Variants in NOL9 observed in about 807,000 individuals in gnomAD.
The protein encoded by NOL9 is polynucleotide 5'-hydroxyl-kinase NOL9.
Under a neutral mutation model 67.9 loss-of-function variants are expected in NOL9, and 28 were observed. That is an observed-to-expected ratio of 0.41 (90% CI 0.31 to 0.57). NOL9 has a LOEUF of 0.57. Ranked by LOEUF, NOL9 falls within the 20% of genes least tolerant of loss-of-function variation. NOL9 has a pLI of 0.25. For synonymous variants in NOL9, 356 were observed against 352.2 expected (o/e 1.01, Z -0.12); for missense variants, 777 against 897.0 (o/e 0.87, Z 1.71).
rs386366136 is a variant in NOL9, at chr1:6,522,883, C to CAAAAAAAAAAA, written c.*2960_*2970dup. On this transcript the variant is annotated 3_prime_UTR_variant, in exon 12 of 12. Coordinates refer to ENST00000377705, the MANE Select transcript of NOL9 (RefSeq NM_024654.5). ...TGGGCGACAGAGCTAGACTCTGTCT[C>CAAAAAAAAAAA]AAAAAAAAAAAAAAAAAAGAAATTG... The CAAAAAAAAAAA allele has an allele frequency of 1.2e-5, 1 of 82,552 alleles. No homozygotes were observed. Among genetic ancestry groups the CAAAAAAAAAAA allele is most frequent in the Non-Finnish European group, 2.1e-5 (1 of 47,992 alleles). 5.1% of individuals were successfully genotyped at this position (82,552 alleles called of 1,614,324 possible).
chr1:6,530,129 A>C (rs1638988616), intron 9 of NOL9, among the ~76,000 whole-genome samples: 1 of 152,084 alleles, frequency 6.6e-6, no homozygotes, highest in South Asian at 2.1e-4. Context: ...CTGTCTCCAA[A>C]AAAAAAGAAA....
At chr1:6,539,327 A>G (rs567588625) in intron 6 of NOL9, among the ~76,000 whole-genome samples, 1 of 152,226 alleles carries the variant, frequency 6.6e-6, no homozygotes, top group Non-Finnish European at 1.5e-5. Flanking sequence ...TGAAAGCAGG[A>G]TATGGAGGAG....
chr1:6,543,734 G>T (rs1326281583), intron 5 of NOL9, among the ~76,000 whole-genome samples: 4 of 152,192 alleles, frequency 2.6e-5, no homozygotes, highest in African/African-American at 9.6e-5. Flanking sequence ...CCAGCACTTT[G>T]TGAGGCCAAG....
intron 6 of NOL9, among the ~76,000 whole-genome samples, chr1:6,541,565 T>A (rs1443631829): frequency 6.6e-6 from 1 of 152,224 alleles, no homozygotes; most frequent in Non-Finnish European, 1.5e-5. Flanking sequence ...CATGTGTTTC[T>A]AATTTACATA....
rs897525418 is a variant in NOL9, at chr1:6,524,895, A to G, written c.*959T>C. 1 of 151,622 alleles carries G rather than the reference A, an allele frequency of 6.6e-6. No homozygotes were observed. The highest frequency in any genetic ancestry group is 1.5e-5 in the Non-Finnish European group (1 of 68,000). 9.4% of individuals were successfully genotyped at this position (151,622 alleles called of 1,614,324 possible). A position where few individuals can be genotyped will look rare whatever the true frequency, so the allele number is the denominator to read the frequency against. On this transcript the variant is annotated 3_prime_UTR_variant, in exon 12 of 12. Coordinates refer to ENST00000377705, the MANE Select transcript of NOL9 (RefSeq NM_024654.5). ...GCTGGGACTATAGGCGCCCACCACC[A>G]CGCCCAGCTAGTTTTTTGTATTTTT...
Position 6,529,329 on chromosome 1 carries a change from G to A in NOL9, c.1648-158C>T, listed in dbSNP as rs145122407. Reference sequence around the variant, plus strand: ...AAAACAGCCAGGCACAGTGGCTCACGCATGTAATCCCAGCACTTTGGGAGG... The same window carrying A: ...AAAACAGCCAGGCACAGTGGCTCACACATGTAATCCCAGCACTTTGGGAGG... On this transcript the variant is annotated intron_variant, in intron 9 of 11. Coordinates refer to ENST00000377705, the MANE Select transcript of NOL9 (RefSeq NM_024654.5). 2.0e-3 allele frequency among the ~76,000 whole-genome samples: 308 copies of A among 152,256 alleles called. 3 individuals carry two copies. The highest frequency in any genetic ancestry group is 0.013 in the East Asian group (69 of 5,180).
chr1:6,534,801 CTT>C (rs983089600), intron 6 of NOL9, among the ~76,000 whole-genome samples: 2 of 151,946 alleles, frequency 1.3e-5, no homozygotes, highest in African/African-American at 4.8e-5. Context: ...CTCTTTCTCT[CTT>C]TTTTCTTTTT....
chr1:6,526,048 G>C, intron 11 of NOL9, 45 bp from the exon 12 acceptor site: 1 of 1,575,504 alleles, frequency 6.3e-7, no homozygotes, highest in Non-Finnish European at 8.7e-7. Context: ...TCCAGGTCCA[G>C]CCCAGAGGGG....
chr1:6,534,099 C>T (rs1299261106), intron 6 of NOL9, among the ~76,000 whole-genome samples: 1 of 152,016 alleles, frequency 6.6e-6, no homozygotes, highest in Non-Finnish European at 1.5e-5. Context: ...GTTGGTCAGG[C>T]TGGTCTTGAA....
Position 6,524,426 on chromosome 1 carries a change from T to A in NOL9, c.*1428A>T, listed in dbSNP as rs1638835499. 6.6e-6 allele frequency: 1 copy of A among 152,106 alleles called. No individual in the cohort carries two copies. Among genetic ancestry groups the A allele is most frequent in the Non-Finnish European group, 1.5e-5 (1 of 68,018 alleles). 9.4% of individuals were successfully genotyped at this position (152,106 alleles called of 1,614,324 possible). A position where few individuals can be genotyped will look rare whatever the true frequency, so the allele number is the denominator to read the frequency against. On this transcript the variant is annotated 3_prime_UTR_variant, in exon 12 of 12. Transcript: ENST00000377705. Reference sequence around the variant, plus strand: ...TGATGTGACCTGGTCCCATCACCCGTTTACACAAACCACTTCCAACCTAGA... The same window carrying A: ...TGATGTGACCTGGTCCCATCACCCGATTACACAAACCACTTCCAACCTAGA...
intron 10 of NOL9, among the ~76,000 whole-genome samples, chr1:6,527,726 G>A (rs1638922441): frequency 6.6e-6 from 1 of 151,944 alleles, no homozygotes; most frequent in Non-Finnish European, 1.5e-5. Context: ...GAGGTCAGGA[G>A]TTCAAGACCA....
At chr1:6,532,393 G>T in intron 8 of NOL9, 70 bp downstream of exon 8, 1 of 1,436,714 alleles carries the variant, frequency 7.0e-7, no homozygotes, top group Non-Finnish European at 9.6e-7. Context: ...GGCCTTTAGA[G>T]GAATTGAGAA....
At chr1:6,543,474 C>T (rs1043031623) in intron 5 of NOL9, among the ~76,000 whole-genome samples, 2 of 152,054 alleles carry the variant, frequency 1.3e-5, no homozygotes, top group African/African-American at 2.4e-5. Context: ...GGATTACAGG[C>T]GTGAGCCACT....
intron 1 of NOL9, among the ~76,000 whole-genome samples, chr1:6,553,860 A>T (rs1557797265): frequency 6.6e-6 from 1 of 151,988 alleles, no homozygotes; most frequent in East Asian, 1.9e-4. Context: ...AAAGAAAGAA[A>T]GAAAACAAAA....
Position 6,554,299 on chromosome 1 carries a change from C to G in NOL9, c.204G>C (p.Gln68His). The part of the protein sequence containing the change: ...SGVDWREGAR[Q>H]VSRAAAARRP... ...TCCGGGCCGCCGCCGCGCGCGACAC[C>G]TGGCGGGCTCCCTCCCTCCAGTCCA... Residue 68 changes from glutamine to histidine, a missense_variant, in exon 1 of 12, where the codon CAG (glutamine) becomes CAC (histidine). Coordinates refer to ENST00000377705, the MANE Select transcript of NOL9 (RefSeq NM_024654.5). The G allele has an allele frequency of 6.8e-7, 1 of 1,476,816 alleles. No individual in the cohort carries two copies. The allele number at this position is 1,476,816 out of a possible 1,614,324, so 91.5% of individuals were successfully genotyped here. A position where few individuals can be genotyped will look rare whatever the true frequency, so the allele number is the denominator to read the frequency against.
At chr1:6,541,277 G>C (rs1003768859) in intron 6 of NOL9, among the ~76,000 whole-genome samples, 1 of 152,226 alleles carries the variant, frequency 6.6e-6, no homozygotes, top group East Asian at 1.9e-4. Context: ...TCCGTCTCCC[G>C]GTCAAGCAAT....
Position 6,554,304 on chromosome 1 carries a change from G to A in NOL9, c.199C>T (p.Arg67Cys), listed in dbSNP as rs1206207713. Residue 67 changes from arginine (R) to cysteine (C), a missense_variant, in exon 1 of 12, where the codon CGC becomes TGC. By Grantham distance (180) the Arg-to-Cys change is radical. Transcript: ENST00000377705. ...ASGVDWREGA[R>C]QVSRAAAARR... ...GCCGCCGCCGCGCGCGACACCTGGC[G>A]GGCTCCCTCCCTCCAGTCCACGCCG... 6.8e-7 allele frequency: 1 copy of A among 1,477,684 alleles called. No homozygotes were observed. Among genetic ancestry groups the A allele is most frequent in the South Asian group, 1.3e-5 (1 of 75,020 alleles). 91.5% of individuals were successfully genotyped at this position (1,477,684 alleles called of 1,614,324 possible).
At chr1:6,528,915 G>A (rs1638954077) in intron 10 of NOL9, 79 bp downstream of exon 10, 10 of 1,419,664 alleles carry the variant, frequency 7.0e-6, no homozygotes, top group Non-Finnish European at 9.8e-6. Flanking sequence ...ACAGCTACAA[G>A]GTCAAGACCA....
intron 6 of NOL9, among the ~76,000 whole-genome samples, chr1:6,534,791 C>T (rs928130578): frequency 4.6e-5 from 7 of 152,016 alleles, no homozygotes; most frequent in African/African-American, 1.7e-4. Flanking sequence ...CTGTCTCTCT[C>T]TCTTTCTCTC....
Sources: gnomAD v4.1 joint callset for allele counts (sites outside exome capture counted in the v4.1 genomes callset) on GRCh38, gnomAD v4.1.1 for gene constraint, MANE v1.5 for transcripts, NCBI Gene and HGNC (gene_info 2026-07-23, HGNC 2026-07-21) for gene names.